Variants in UNC13C observed in about 807,000 individuals in gnomAD.
The protein encoded by UNC13C is protein unc-13 homolog C.
A neutral mutation model predicts 245.4 loss-of-function variants in UNC13C; 174 were observed. The ratio of observed to expected loss-of-function variants is 0.71; its 90% CI spans 0.63 to 0.80. UNC13C has a LOEUF of 0.80. UNC13C is among the 30% of genes least tolerant of loss of function. The pLI, the probability that UNC13C is intolerant of heterozygous loss-of-function variation, is 0.00. For synonymous variants in UNC13C, 992 were observed against 895.1 expected (o/e 1.11, Z -1.93); for missense variants, 2,829 against 2,602.9 (o/e 1.09, Z -1.89).
chr15:54,193,659 A>G (rs946675220), intron 4 of UNC13C, among the ~76,000 whole-genome samples: 27 of 152,130 alleles, frequency 1.8e-4, no homozygotes, highest in African/African-American at 6.5e-4. Context: ...TAGCTAGGCA[A>G]CTTAATGTTA....
chr15:53,907,847 A>T, the UNC13C span, among the ~76,000 whole-genome samples: 1 of 146,772 alleles, frequency 6.8e-6, no homozygotes, highest in African/African-American at 2.4e-5. Flanking sequence ...TTTGTTGAAT[A>T]AATGAGTAAA....
intron 19 of UNC13C, among the ~76,000 whole-genome samples, chr15:54,479,736 C>T (rs569117805): frequency 1.5e-4 from 23 of 151,780 alleles, no homozygotes; most frequent in African/African-American, 5.6e-4. Context: ...TTTCTGTATG[C>T]ACTCTACTAG....
At chr15:54,574,018 T>TG (rs1897861426) in intron 30 of UNC13C, among the ~76,000 whole-genome samples, 1 of 152,190 alleles carries the variant, frequency 6.6e-6, no homozygotes, top group African/African-American at 2.4e-5. Flanking sequence ...AGTACGTACT[T>TG]GCGCTCTTAT....
chr15:54,500,597 A>G (rs776024798), intron 21 of UNC13C, among the ~76,000 whole-genome samples: 10 of 152,120 alleles, frequency 6.6e-5, no homozygotes, highest in Non-Finnish European at 1.3e-4. Context: ...AAGACAAAAG[A>G]ACCAGTACCT....
intron 1 of UNC13C, among the ~76,000 whole-genome samples, chr15:54,007,333 T>C (rs1895184161): frequency 6.6e-6 from 1 of 152,096 alleles, no homozygotes; most frequent in Non-Finnish European, 1.5e-5. Context: ...AGTCAAGTGA[T>C]TCAATAGCAA....
chr15:54,444,537 T>A (rs1171914690), intron 19 of UNC13C, among the ~76,000 whole-genome samples: 2 of 151,810 alleles, frequency 1.3e-5, no homozygotes, highest in Non-Finnish European at 2.9e-5. Context: ...AAGGTTATCA[T>A]TGATATATGA....
At chr15:54,185,257 A>G (rs1381405551) in intron 4 of UNC13C, among the ~76,000 whole-genome samples, 1 of 152,018 alleles carries the variant, frequency 6.6e-6, no homozygotes, top group African/African-American at 2.4e-5. Flanking sequence ...TTTGCTGTGC[A>G]GAAGCTCTTT....
chr15:54,174,169 A>G (rs998717332), intron 4 of UNC13C, among the ~76,000 whole-genome samples: 19 of 151,946 alleles, frequency 1.3e-4, no homozygotes, highest in Admixed American at 4.6e-4. Flanking sequence ...TCTCTTTTCT[A>G]TTAGTATCTT....
intron 19 of UNC13C, among the ~76,000 whole-genome samples, chr15:54,452,581 CTAGGGGAAG>C (rs1891239853): frequency 6.6e-6 from 1 of 152,172 alleles, no homozygotes; most frequent in Admixed American, 6.5e-5. Context: ...TGCTCAGGTA[CTAGGGGAAG>C]TTGGAGAAAG....
In UNC13C at chr15:54,038,125, T is replaced by TATAAAAA. The variant is rs1491459554; in HGVS notation, c.2983+22239_2983+22240insATAAAAA. On this transcript the variant is annotated intron_variant, in intron 2 of 32. Coordinates refer to ENST00000260323, the MANE Select transcript of UNC13C (RefSeq NM_001080534.3). Reference sequence around the variant, plus strand: ...ATATATATATATATATATATATATATTTTTTTTTTTTTTTTCCTGAGACAG... The same window carrying TATAAAAA: ...ATATATATATATATATATATATATATATAAAAATTTTTTTTTTTTTTTCCTGAGACAG... 1.8e-4 allele frequency among the ~76,000 whole-genome samples: 5 copies of TATAAAAA among 28,448 alleles called. 1 individual carries two copies. Among genetic ancestry groups the TATAAAAA allele is most frequent in the African/African-American group, 7.7e-4 (5 of 6,456 alleles). The allele number at this position is 28,448 out of a possible 152,430, so 18.7% of individuals were successfully genotyped here.
chr15:54,117,116 T>TTTG (rs533673515), intron 2 of UNC13C, among the ~76,000 whole-genome samples: 141 of 152,044 alleles, frequency 9.3e-4, no homozygotes, highest in African/African-American at 3.0e-3. Flanking sequence ...CCGATTAGTT[T>TTTG]TTGTTGTTGT....
chr15:54,542,028 C>T (rs924386121), intron 26 of UNC13C, among the ~76,000 whole-genome samples: 1 of 151,940 alleles, frequency 6.6e-6, no homozygotes, highest in African/African-American at 2.4e-5. Context: ...AATGGTCTGC[C>T]TTCTGCTGCT....
chr15:53,934,180 G>A, the UNC13C span, among the ~76,000 whole-genome samples: 1 of 152,198 alleles, frequency 6.6e-6, no homozygotes, highest in Non-Finnish European at 1.5e-5. Flanking sequence ...AGCACCAAGT[G>A]GATGGTGCTA....
At chr15:54,081,473 A>G (rs1321079806) in intron 2 of UNC13C, among the ~76,000 whole-genome samples, 1 of 152,072 alleles carries the variant, frequency 6.6e-6, no homozygotes, top group Middle Eastern at 3.2e-3. Flanking sequence ...GTACTCTGAT[A>G]CTGGGTTTGT....
intron 7 of UNC13C, among the ~76,000 whole-genome samples, chr15:54,248,907 G>A (rs2036068326): frequency 6.6e-6 from 1 of 152,192 alleles, no homozygotes; most frequent in African/African-American, 2.4e-5. Flanking sequence ...AGGGAAATAT[G>A]CTGTTACCAT....
At chr15:54,030,564 A>T (rs910708829) in intron 2 of UNC13C, among the ~76,000 whole-genome samples, 1 of 152,254 alleles carries the variant, frequency 6.6e-6, no homozygotes, top group Non-Finnish European at 1.5e-5. Flanking sequence ...AAAATTATGT[A>T]GAAGTAAATG....
At chr15:54,163,817 A>G (rs1387155583) in intron 4 of UNC13C, among the ~76,000 whole-genome samples, 1 of 152,230 alleles carries the variant, frequency 6.6e-6, no homozygotes, top group African/African-American at 2.4e-5. Context: ...TGGAATCAGA[A>G]GAAATAATTA....
intron 2 of UNC13C, among the ~76,000 whole-genome samples, chr15:54,100,422 G>A (rs1041286519): frequency 6.6e-6 from 1 of 151,962 alleles, no homozygotes; most frequent in African/African-American, 2.4e-5. Flanking sequence ...CCTACCTCAC[G>A]GGCCATTCCT....
Position 54,014,617 on chromosome 15 carries a change from A to G in UNC13C, c.1714A>G (p.Arg572Gly), listed in dbSNP as rs757815880. 7.9e-5 allele frequency: 128 copies of G among 1,613,602 alleles called. No individual in the cohort carries two copies. The highest frequency in any genetic ancestry group is 1.0e-4 in the Non-Finnish European group (118 of 1,179,806). The change falls in exon 2 of 33, where the codon AGA becomes GGA. Residue 572 changes from arginine (R) to glycine (G), a missense_variant. Coordinates refer to ENST00000260323, the MANE Select transcript of UNC13C (RefSeq NM_001080534.3). Reference protein sequence around the residue: ...EDFSENQFFTRTNGSSLLSSS... With the variant: ...EDFSENQFFTGTNGSSLLSSS... The stretch of plus-strand genomic sequence containing the variant: ...TTTTTCAGAAAATCAGTTTTTCACT[A>G]GAACTAATGGAAGCTCTCTCCTGTC...
Sources: gnomAD v4.1 joint callset for allele counts (sites outside exome capture counted in the v4.1 genomes callset) on GRCh38, gnomAD v4.1.1 for gene constraint, MANE v1.5 for transcripts, NCBI Gene and HGNC (gene_info 2026-07-23, HGNC 2026-07-21) for gene names.